CDV3: variants seen among roughly 807,000 people sequenced by gnomAD.
CDV3 encodes CDV3 homolog.
CDV3 carries 14 observed loss-of-function variants against 24.5 expected under a neutral mutation model. The observed-to-expected ratio is 0.57, with a 90% CI of 0.38 to 0.89. The LOEUF (loss-of-function observed/expected upper bound fraction) is 0.89, where lower values mean the gene tolerates loss of function less well. Among genes scored for constraint, CDV3 ranks in the 40% least tolerant of loss-of-function variants. CDV3 has a pLI of 0.00. For missense variants in CDV3, 304 were observed against 310.2 expected (o/e 0.98, Z 0.15); for synonymous variants, 114 against 114.1 (o/e 1.00, Z 0.00).
At chr3:133,584,569 A>G (rs957737560) in intron 3 of CDV3, among the ~76,000 whole-genome samples, 1 of 152,224 alleles carries the variant, frequency 6.6e-6, no homozygotes, top group Non-Finnish European at 1.5e-5. Flanking sequence ...TTTAACTCCA[A>G]AAGTTTTCAT....
At chr3:133,580,800 CA>C (rs1371024445) in intron 2 of CDV3, among the ~76,000 whole-genome samples, 4 of 152,094 alleles carry the variant, frequency 2.6e-5, no homozygotes, top group African/African-American at 9.7e-5. Flanking sequence ...CTTGGCCTTC[CA>C]AAGTGCTGGG....
intron 4 of CDV3, 56 bp downstream of exon 4, chr3:133,586,778 G>A (rs913022213): frequency 4.9e-5 from 54 of 1,101,812 alleles, no homozygotes; most frequent in Non-Finnish European, 7.4e-5. Flanking sequence ...AGGCCAGGGA[G>A]TGGGATATAG....
chr3:133,574,293 C>G lies in CDV3; in HGVS notation c.240+9C>G, dbSNP rs2074714011. ...CCAAGGCTGTGACGAAGGTGAGGGG[C>G]CGGGAGGCCGGCACTCGGGGCCCGG... is the stretch of plus-strand genomic sequence containing the variant. On this transcript the variant is annotated intron_variant, in intron 1 of 4. Transcript: ENST00000264993. 2.1e-6 allele frequency: 2 copies of G among 973,910 alleles called. No homozygotes were observed. Among genetic ancestry groups the G allele is most frequent in the Non-Finnish European group, 1.2e-6 (1 of 819,320 alleles). The allele number at this position is 973,910 out of a possible 1,614,324, so 60.3% of individuals were successfully genotyped here.
intron 3 of CDV3, among the ~76,000 whole-genome samples, chr3:133,586,294 T>C (rs34844086): frequency 0.11 from 16,828 of 151,946 alleles, 1,164 homozygotes; most frequent in African/African-American, 0.19. Context: ...CAGGGTTTCA[T>C]CATGTTGGCC....
intron 2 of CDV3, among the ~76,000 whole-genome samples, chr3:133,581,352 C>T (rs973208082): frequency 1.3e-5 from 2 of 151,854 alleles, no homozygotes; most frequent in Admixed American, 6.6e-5. Flanking sequence ...CCTCTGTACT[C>T]CAGCCTGGGT....
chr3:133,576,259 A>G (rs764653555), intron 2 of CDV3, among the ~76,000 whole-genome samples: 2 of 152,160 alleles, frequency 1.3e-5, no homozygotes, highest in Non-Finnish European at 2.9e-5. Context: ...CACTCTTGAG[A>G]TTTCTTTGTA....
intron 2 of CDV3, among the ~76,000 whole-genome samples, chr3:133,576,934 G>A (rs145999329): frequency 0.011 from 1,526 of 136,012 alleles, 24 homozygotes; most frequent in African/African-American, 0.039. Flanking sequence ...TGCAACCTCC[G>A]CCTTCTGGTT....
rs1181123360 is a variant in CDV3, at chr3:133,588,658, A to G, written c.*612A>G. On this transcript the variant is annotated 3_prime_UTR_variant, in exon 5 of 5. Transcript: ENST00000264993. ...TTCCTGGAACACACTGCTGAAAAGAACTGATGTGTTCAGATCATCTGTGTA... is the reference window on the plus strand; with the variant it reads ...TTCCTGGAACACACTGCTGAAAAGAGCTGATGTGTTCAGATCATCTGTGTA... 1.4e-5 allele frequency: 7 copies of G among 483,720 alleles called. No individual in the cohort carries two copies. In the East Asian group the frequency reaches 1.7e-4, roughly 12 times the overall value. The allele number at this position is 483,720 out of a possible 1,614,324, so 30.0% of individuals were successfully genotyped here. A position where few individuals can be genotyped will look rare whatever the true frequency, so the allele number is the denominator to read the frequency against.
At chr3:133,575,270 C>T (rs1439670338) in intron 2 of CDV3, among the ~76,000 whole-genome samples, 155 bp downstream of exon 2, 2 of 152,230 alleles carry the variant, frequency 1.3e-5, no homozygotes, top group East Asian at 1.9e-4. Context: ...CTTTCTCACT[C>T]CATGGAGGCA....
At position 133,574,118 on chromosome 3, in the gene CDV3, G is replaced by A. The variant is rs1388251952; in HGVS notation, c.74G>A (p.Ser25Asn). Residue 25 changes from serine to asparagine, a missense_variant, in exon 1 of 5, where the codon AGC becomes AAC. Transcript: ENST00000264993. ...GACAAGAAGAAGAAGAAGGAGCGGA[G>A]CAACCGGGCGGCGAGTGCCGCGGGC... is the stretch of plus-strand genomic sequence containing the variant. ...KRDKKKKKER[S>N]NRAASAAGAA... 1 of 1,207,050 alleles carries A rather than the reference G, an allele frequency of 8.3e-7. No individual in the cohort carries two copies. The highest frequency in any genetic ancestry group is 1.1e-6 in the Non-Finnish European group (1 of 948,574). The allele number at this position is 1,207,050 out of a possible 1,614,324, so 74.8% of individuals were successfully genotyped here.
intron 2 of CDV3, among the ~76,000 whole-genome samples, chr3:133,575,576 TAAGCACCAGGTC>T (rs200521463): frequency 0.014 from 2,069 of 152,316 alleles, 35 homozygotes; most frequent in African/African-American, 0.048. Context: ...ACCTGTGCAA[TAAGCACCAGGTC>T]AAGAAACTGA....
intron 1 of CDV3, 82 bp downstream of exon 1, chr3:133,574,366 G>C (rs1355248490): frequency 2.2e-6 from 2 of 925,842 alleles, no homozygotes; most frequent in Non-Finnish European, 1.3e-6. Flanking sequence ...CCGGGGAAGC[G>C]TCCGGGAGGG....
At position 133,589,941 on chromosome 3, in the gene CDV3, A is replaced by G. The variant is rs1344651225; in HGVS notation, c.*1895A>G. 1 of 152,194 alleles carries G rather than the reference A, an allele frequency of 6.6e-6. No homozygotes were observed. The highest frequency in any genetic ancestry group is 2.4e-5 in the African/African-American group (1 of 41,438). 9.4% of individuals were successfully genotyped at this position (152,194 alleles called of 1,614,324 possible). A position where few individuals can be genotyped will look rare whatever the true frequency, so the allele number is the denominator to read the frequency against. ...AAATCTCTTCATCGTTGAACTGTGCATTTTCCCTGCATTTTTTCCCAACAA... is the reference window on the plus strand; with the variant it reads ...AAATCTCTTCATCGTTGAACTGTGCGTTTTCCCTGCATTTTTTCCCAACAA... On this transcript the variant is annotated 3_prime_UTR_variant, in exon 5 of 5. Coordinates refer to ENST00000264993, the MANE Select transcript of CDV3 (RefSeq NM_017548.5).
At chr3:133,582,826 G>T (rs545292652) in intron 2 of CDV3, among the ~76,000 whole-genome samples, 9 of 152,312 alleles carry the variant, frequency 5.9e-5, no homozygotes, top group Non-Finnish European at 1.3e-4. Flanking sequence ...TCTGCCAGGT[G>T]TATCTTCGAG....
In CDV3 at chr3:133,579,098, C is replaced by T. The variant is rs571716626; in HGVS notation, c.317+3983C>T. 1.8e-4 allele frequency among the ~76,000 whole-genome samples: 28 copies of T among 152,302 alleles called. No homozygotes were observed. The South Asian group carries it at 5.0e-3, about 27-fold the overall frequency. On this transcript the variant is annotated intron_variant, in intron 2 of 4. Transcript: ENST00000264993. ...GCCCTGGGGAAGGTACTTATGTTTCCTCATACATACATACAGTGGGTCTCT... is the reference window on the plus strand; with the variant it reads ...GCCCTGGGGAAGGTACTTATGTTTCTTCATACATACATACAGTGGGTCTCT...
chr3:133,586,479 G>A, intron 3 of CDV3, 84 bp from the exon 4 acceptor site: 2 of 720,920 alleles, frequency 2.8e-6, no homozygotes, highest in Non-Finnish European at 4.8e-6. Context: ...TTCTATAATT[G>A]TTAAATGATT....
intron 2 of CDV3, among the ~76,000 whole-genome samples, chr3:133,583,595 C>T (rs1384611932): frequency 6.6e-6 from 1 of 151,450 alleles, no homozygotes; most frequent in Non-Finnish European, 1.5e-5. Flanking sequence ...GACAGTCACG[C>T]TCTGTCGCCC....
chr3:133,587,737 A>C, intron 4 of CDV3, 159 bp from the exon 5 acceptor site: 1 of 1,407,686 alleles, frequency 7.1e-7, no homozygotes, highest in East Asian at 2.6e-5. Flanking sequence ...TTTGAATTGA[A>C]GCCTTAAAAT....
Position 133,588,406 on chromosome 3 carries a change from A to G in CDV3, c.*360A>G. 7.9e-6 allele frequency: 12 copies of G among 1,521,072 alleles called. No homozygotes were observed. In the Middle Eastern group the frequency reaches 1.3e-3, roughly 170 times the overall value. 94.2% of individuals were successfully genotyped at this position (1,521,072 alleles called of 1,614,324 possible). A position where few individuals can be genotyped will look rare whatever the true frequency, so the allele number is the denominator to read the frequency against. On this transcript the variant is annotated 3_prime_UTR_variant, in exon 5 of 5. Coordinates refer to ENST00000264993, the MANE Select transcript of CDV3 (RefSeq NM_017548.5). ...CTCAGATTTGCTGCACTCATTGTGGACTTCATGTGGATCACAACTTCTGGA... is the reference window on the plus strand; with the variant it reads ...CTCAGATTTGCTGCACTCATTGTGGGCTTCATGTGGATCACAACTTCTGGA...
Sources: allele counts gnomAD v4.1 joint callset (sites outside exome capture counted in the v4.1 genomes callset), GRCh38; gene constraint gnomAD v4.1.1; transcripts MANE v1.5; gene names NCBI Gene and HGNC (gene_info 2026-07-23, HGNC 2026-07-21).